METTL24: variants seen among roughly 807,000 people sequenced by gnomAD.
METTL24 encodes the protein methyltransferase like 24.
In METTL24, 29 loss-of-function variants were observed where a neutral mutation model predicts 32.7. That is an observed-to-expected ratio of 0.89 (90% CI 0.66 to 1.21). METTL24 has a LOEUF of 1.21. Ranked by LOEUF, METTL24 falls within the 50% of genes most tolerant of loss-of-function variation. METTL24 has a pLI of 0.00. For synonymous variants in METTL24, 163 were observed against 179.5 expected, an observed-to-expected ratio of 0.91 and a Z score of 0.73; for missense variants, 439 against 468.1, an observed-to-expected ratio of 0.94 and a Z score of 0.57.
intron 4 of METTL24, among the ~76,000 whole-genome samples, chr6:110,246,517 A>C (rs527458422): frequency 4.4e-4 from 67 of 152,328 alleles, no homozygotes; most frequent in African/African-American, 1.5e-3. Context: ...CTCCTGGTTC[A>C]AGCAATCCTC....
chr6:110,281,893 T>C (rs1014655951), intron 4 of METTL24, among the ~76,000 whole-genome samples: 1 of 152,084 alleles, frequency 6.6e-6, no homozygotes, highest in African/African-American at 2.4e-5. Flanking sequence ...TAGTGAAAAG[T>C]ATCAAACTGT....
At chr6:110,288,015 T>C (rs2114722794) in intron 4 of METTL24, among the ~76,000 whole-genome samples, 1 of 152,212 alleles carries the variant, frequency 6.6e-6, no homozygotes, top group South Asian at 2.1e-4. Flanking sequence ...AGTACAGAAA[T>C]CAGATACGAT....
intron 3 of METTL24, among the ~76,000 whole-genome samples, chr6:110,314,908 G>A (rs1472855035): frequency 6.6e-6 from 1 of 152,132 alleles, no homozygotes; most frequent in Non-Finnish European, 1.5e-5. Flanking sequence ...GGGTTGCAGT[G>A]AGCCGTGATC....
In METTL24 at chr6:110,300,301, C is replaced by T. The variant is rs772839238; in HGVS notation, c.558-1151G>A. Among the ~76,000 whole-genome samples, 4 of 151,918 alleles carry T rather than the reference C, an allele frequency of 2.6e-5. No homozygotes were observed. In the South Asian group the frequency reaches 6.2e-4, roughly 24 times the overall value. On this transcript the variant is annotated intron_variant, in intron 3 of 4. Transcript: ENST00000338882. ...CCTAGAACCAACCGCCAACCCCATA[C>T]GGAGGGATGACTGACTATTGCATAA...
intron 4 of METTL24, among the ~76,000 whole-genome samples, chr6:110,296,213 G>A (rs1342658097): frequency 6.6e-6 from 1 of 152,148 alleles, no homozygotes; most frequent in Non-Finnish European, 1.5e-5. Context: ...GATCATTGAG[G>A]ATACTCTGAA....
chr6:110,320,588 G>T (rs1771914472), intron 2 of METTL24, among the ~76,000 whole-genome samples: 2 of 152,144 alleles, frequency 1.3e-5, no homozygotes, highest in South Asian at 4.1e-4. Flanking sequence ...TCTTTCTGGA[G>T]GACAAAAATC....
intron 4 of METTL24, among the ~76,000 whole-genome samples, chr6:110,285,542 G>A (rs780800712): frequency 9.2e-5 from 14 of 152,278 alleles, no homozygotes; most frequent in Non-Finnish European, 1.9e-4. Flanking sequence ...GTGTGACCTG[G>A]AAGGATTTGC....
intron 1 of METTL24, among the ~76,000 whole-genome samples, chr6:110,338,372 C>A (rs55741906): frequency 0.068 from 10,329 of 152,130 alleles, 401 homozygotes; most frequent in Non-Finnish European, 0.087. Context: ...ATGGTGCATG[C>A]CTGTAATACC....
At position 110,272,106 on chromosome 6, in the gene METTL24, T is replaced by C. The variant is rs554656422; in HGVS notation, c.787-25846A>G. On this transcript the variant is annotated intron_variant, in intron 4 of 4. Transcript: ENST00000338882. ...GGTGTACCCAGTATGTGGTCTTGTC[T>C]CCCTCACCCTCCTCCCACCCATTCC... Among the ~76,000 whole-genome samples, 75 of 152,246 alleles carry C rather than the reference T, an allele frequency of 4.9e-4. 2 individuals carry two copies. The South Asian group carries it at 7.7e-3, about 16-fold the overall frequency.
chr6:110,268,216 G>T (rs1224748005), intron 4 of METTL24, among the ~76,000 whole-genome samples: 1 of 152,166 alleles, frequency 6.6e-6, no homozygotes, highest in Non-Finnish European at 1.5e-5. Flanking sequence ...CAGTTTGTGA[G>T]AGTTGAAGCC....
intron 1 of METTL24, among the ~76,000 whole-genome samples, chr6:110,348,054 A>G (rs577527209): frequency 1.8e-4 from 27 of 152,242 alleles, no homozygotes; most frequent in Non-Finnish European, 3.2e-4. Flanking sequence ...AAGCACACAC[A>G]TCGATACATT....
chr6:110,287,327 G>A (rs1472157943), intron 4 of METTL24, among the ~76,000 whole-genome samples: 1 of 152,152 alleles, frequency 6.6e-6, no homozygotes, highest in African/African-American at 2.4e-5. Flanking sequence ...GACGGAGACC[G>A]ACAGATGTCT....
chr6:110,263,405 A>G (rs1193633274), intron 4 of METTL24, among the ~76,000 whole-genome samples: 1 of 152,206 alleles, frequency 6.6e-6, no homozygotes, highest in Non-Finnish European at 1.5e-5. Context: ...TAGGAATCCA[A>G]CTTACAAAGG....
At chr6:110,256,674 AAG>A (rs1437048863) in intron 4 of METTL24, among the ~76,000 whole-genome samples, 2 of 152,124 alleles carry the variant, frequency 1.3e-5, no homozygotes, top group Admixed American at 6.6e-5. Flanking sequence ...CACTGATGGA[AAG>A]AGAGGAGACA....
chr6:110,316,964 T>C (rs1461565461), intron 2 of METTL24, among the ~76,000 whole-genome samples: 1 of 151,954 alleles, frequency 6.6e-6, no homozygotes, highest in African/African-American at 2.4e-5. Flanking sequence ...TTTAACTGAT[T>C]TTCCAAAATT....
At chr6:110,259,091 T>C (rs1778440026) in intron 4 of METTL24, among the ~76,000 whole-genome samples, 1 of 152,150 alleles carries the variant, frequency 6.6e-6, no homozygotes, top group Non-Finnish European at 1.5e-5. Context: ...ACCGGGTTCA[T>C]CTCACTGGGG....
intron 1 of METTL24, among the ~76,000 whole-genome samples, chr6:110,348,119 G>A (rs538410425): frequency 2.0e-5 from 3 of 152,330 alleles, no homozygotes; most frequent in East Asian, 1.9e-4. Context: ...AACACAGACC[G>A]TATTCATTGA....
intron 4 of METTL24, among the ~76,000 whole-genome samples, chr6:110,285,083 A>C (rs1771197921): frequency 6.6e-6 from 1 of 152,238 alleles, no homozygotes; most frequent in Non-Finnish European, 1.5e-5. Context: ...AACTAAATTG[A>C]CATCTGTTAG....
At chr6:110,339,476 CA>C (rs764517001) in intron 1 of METTL24, among the ~76,000 whole-genome samples, 1 of 152,012 alleles carries the variant, frequency 6.6e-6, no homozygotes, top group African/African-American at 2.4e-5. Context: ...GAGGTAACTG[CA>C]AAAAAGAATA....
Sources: gnomAD v4.1 joint callset for allele counts (sites outside exome capture counted in the v4.1 genomes callset) on GRCh38, gnomAD v4.1.1 for gene constraint, MANE v1.5 for transcripts, NCBI Gene and HGNC (gene_info 2026-07-23, HGNC 2026-07-21) for gene names.